ABLIM1: variants seen among roughly 807,000 people sequenced by gnomAD.
ABLIM1 encodes the protein actin binding LIM protein 1, also known as actin-binding LIM protein 1.
A neutral mutation model predicts 107.0 loss-of-function variants in ABLIM1; 40 were observed. That is an observed-to-expected ratio of 0.37 (90% CI 0.29 to 0.49). The LOEUF (loss-of-function observed/expected upper bound fraction) is 0.49. Among genes scored for constraint, ABLIM1 ranks in the 20% least tolerant of loss-of-function variants. ABLIM1 has a pLI of 0.97. For missense variants in ABLIM1, 857 were observed against 1,008.5 expected, an observed-to-expected ratio of 0.85 and a Z score of 2.04; for synonymous variants, 357 against 357.3, an observed-to-expected ratio of 1.00 and a Z score of 0.01.
intron 2 of ABLIM1, among the ~76,000 whole-genome samples, chr10:114,601,028 T>TG (rs2075931676): frequency 6.7e-6 from 1 of 148,384 alleles, no homozygotes. Flanking sequence ...CAAGTGTTGT[T>TG]GCTTAATTCT....
chr10:114,793,868 C>T, the ABLIM1 span, among the ~76,000 whole-genome samples: 2 of 152,226 alleles, frequency 1.3e-5, no homozygotes, highest in Non-Finnish European at 2.9e-5. Flanking sequence ...AGCTCTCAAA[C>T]CCTATTCTGG....
intron 4 of ABLIM1, among the ~76,000 whole-genome samples, chr10:114,552,165 A>C (rs2068142779): frequency 1.3e-5 from 2 of 152,196 alleles, no homozygotes; most frequent in South Asian, 4.1e-4. Flanking sequence ...CATGGTCTTC[A>C]CTCAAGCCTG....
chr10:114,733,877 G>T (rs1343634347), intron 1 of ABLIM1, among the ~76,000 whole-genome samples: 2 of 151,668 alleles, frequency 1.3e-5, no homozygotes, highest in Non-Finnish European at 2.9e-5. Flanking sequence ...TATTTTTTGA[G>T]ATGAAGTCTC....
chr10:114,673,676 C>T (rs1184658220), intron 1 of ABLIM1, among the ~76,000 whole-genome samples: 1 of 152,214 alleles, frequency 6.6e-6, no homozygotes, highest in Non-Finnish European at 1.5e-5. Context: ...CTCTTATTAT[C>T]CTATATATTT....
chr10:114,466,288 C>A (rs147920344), intron 11 of ABLIM1, among the ~76,000 whole-genome samples: 5 of 151,576 alleles, frequency 3.3e-5, no homozygotes, highest in Admixed American at 3.3e-4. Flanking sequence ...CCAGCCTGGA[C>A]GACAGAGTGA....
the ABLIM1 span, among the ~76,000 whole-genome samples, chr10:114,791,937 C>G: frequency 6.6e-6 from 1 of 152,214 alleles, no homozygotes; most frequent in African/African-American, 2.4e-5. Flanking sequence ...GGCACTGTCT[C>G]AATAATCATT....
intron 1 of ABLIM1, among the ~76,000 whole-genome samples, chr10:114,759,547 T>G (rs992729921): frequency 1.3e-5 from 2 of 152,230 alleles, no homozygotes; most frequent in Non-Finnish European, 2.9e-5. Context: ...GACTTTATGC[T>G]AAACGCTGTT....
At position 114,566,037 on chromosome 10, in the gene ABLIM1, C is replaced by T. The variant is rs562127325; in HGVS notation, c.673+5260G>A. Reference sequence around the variant, plus strand: ...GTCTCTATCTCCTGACCTTGTGATCCGCCTGCCTCGGCCTCCCAAAGTGCC... The same window carrying T: ...GTCTCTATCTCCTGACCTTGTGATCTGCCTGCCTCGGCCTCCCAAAGTGCC... On this transcript the variant is annotated intron_variant, in intron 4 of 22. Transcript: ENST00000533213. Among the ~76,000 whole-genome samples, 6 of 152,144 alleles carry T rather than the reference C, an allele frequency of 3.9e-5. No individual in the cohort carries two copies. In the East Asian group the frequency reaches 7.7e-4, roughly 20 times the overall value.
At chr10:114,535,131 C>A (rs1290386729) in intron 6 of ABLIM1, among the ~76,000 whole-genome samples, 1 of 152,160 alleles carries the variant, frequency 6.6e-6, no homozygotes, top group Non-Finnish European at 1.5e-5. Context: ...GTTGCAAAAC[C>A]AACTCATCAC....
chr10:114,618,342 T>C (rs1225833835), intron 1 of ABLIM1, among the ~76,000 whole-genome samples: 1 of 152,232 alleles, frequency 6.6e-6, no homozygotes, highest in Non-Finnish European at 1.5e-5. Context: ...TAATCCATCA[T>C]GTTTTCTACC....
chr10:114,732,561 G>T (rs943940052), intron 1 of ABLIM1, among the ~76,000 whole-genome samples: 1 of 152,152 alleles, frequency 6.6e-6, no homozygotes, highest in South Asian at 2.1e-4. Flanking sequence ...AAGCACAAAA[G>T]ATTATGATTT....
upstream of ABLIM1, among the ~76,000 whole-genome samples, chr10:114,658,669 C>T (rs530935201): frequency 3.7e-4 from 56 of 152,266 alleles, no homozygotes; most frequent in Non-Finnish European, 6.9e-4. Flanking sequence ...TCAGATCTCA[C>T]AGGTGGAGGT....
intron 1 of ABLIM1, among the ~76,000 whole-genome samples, chr10:114,701,478 A>G (rs79453521): frequency 0.069 from 10,441 of 152,246 alleles, 622 homozygotes; most frequent in African/African-American, 0.16. Flanking sequence ...TGTTCACAGC[A>G]GCTTTATTCA....
chr10:114,676,261 G>A (rs1419670650), intron 1 of ABLIM1, among the ~76,000 whole-genome samples: 2 of 152,168 alleles, frequency 1.3e-5, no homozygotes, highest in African/African-American at 2.4e-5. Flanking sequence ...GGTGAATCAC[G>A]AGGTCAGTAG....
At chr10:114,492,756 T>G (rs1394789703) in intron 6 of ABLIM1, among the ~76,000 whole-genome samples, 1 of 152,206 alleles carries the variant, frequency 6.6e-6, no homozygotes, top group Admixed American at 6.5e-5. Flanking sequence ...GCATTAACCA[T>G]GTACAAGGCA....
chr10:114,493,020 A>C (rs2059210467), intron 6 of ABLIM1, among the ~76,000 whole-genome samples: 1 of 152,210 alleles, frequency 6.6e-6, no homozygotes, highest in South Asian at 2.1e-4. Flanking sequence ...AAATTCCAGA[A>C]GTGGTGCTCT....
chr10:114,703,161 C>T (rs2081340552), intron 1 of ABLIM1, among the ~76,000 whole-genome samples: 1 of 152,172 alleles, frequency 6.6e-6, no homozygotes, highest in South Asian at 2.1e-4. Flanking sequence ...CAGCCTTAGA[C>T]ATAAATAAAC....
Position 114,626,817 on chromosome 10 carries a change from C to T in ABLIM1, c.245-24856G>A, listed in dbSNP as rs146457500. On this transcript the variant is annotated intron_variant, in intron 1 of 22. Transcript: ENST00000533213. The stretch of plus-strand genomic sequence containing the variant: ...GATCATTAGGGTGGGCCTTAATCCA[C>T]TGGGACTGGTGTCCTTTTAAAAAGG... Among the ~76,000 whole-genome samples the T allele has an allele frequency of 2.0e-5, 3 of 152,282 alleles. No homozygotes were observed. The East Asian group carries it at 5.8e-4, about 29-fold the overall frequency.
At chr10:114,523,827 G>A (rs1375150397) in intron 6 of ABLIM1, among the ~76,000 whole-genome samples, 1 of 152,220 alleles carries the variant, frequency 6.6e-6, no homozygotes, top group African/African-American at 2.4e-5. Flanking sequence ...CAAATAGTAT[G>A]AGCAGGCACT....
Sources: gnomAD v4.1 joint callset for allele counts (sites outside exome capture counted in the v4.1 genomes callset) on GRCh38, gnomAD v4.1.1 for gene constraint, MANE v1.5 for transcripts, NCBI Gene and HGNC (gene_info 2026-07-23, HGNC 2026-07-21) for gene names.